HS2ST1: variants seen among roughly 807,000 people sequenced by gnomAD.
The protein encoded by HS2ST1 is heparan sulfate 2-O-sulfotransferase 1.
In HS2ST1, 18 loss-of-function variants were observed where a neutral mutation model predicts 42.9. The ratio of observed to expected loss-of-function variants is 0.42; its 90% CI spans 0.29 to 0.62. The LOEUF (loss-of-function observed/expected upper bound fraction) is 0.62. Among genes scored for constraint, HS2ST1 ranks in the 20% least tolerant of loss-of-function variants. The probability of loss-of-function intolerance (pLI) is 0.21; values close to 1 mark genes in which losing one functional copy is unlikely to be tolerated. For missense variants in HS2ST1, 334 were observed against 433.8 expected (o/e 0.77, Z 2.04); for synonymous variants, 146 against 152.9 (o/e 0.95, Z 0.33).
At position 87,093,312 on chromosome 1, in the gene HS2ST1, C is replaced by T. The variant is rs146653642; in HGVS notation, c.588+643C>T. ...ATTTTCCTTTAGGTGTCCAGTGCTT[C>T]GGCCACATGAAATGTCACCATCCTC... On this transcript the variant is annotated intron_variant, in intron 4 of 6. Coordinates refer to ENST00000370550, the MANE Select transcript of HS2ST1 (RefSeq NM_012262.4). Among the ~76,000 whole-genome samples, 415 of 152,150 alleles carry T rather than the reference C, an allele frequency of 2.7e-3. 1 individual carries two copies. The highest frequency in any genetic ancestry group is 0.023 in the South Asian group (109 of 4,824).
intron 1 of HS2ST1, among the ~76,000 whole-genome samples, chr1:86,989,785 T>C (rs1648890118): frequency 6.6e-6 from 1 of 152,202 alleles, no homozygotes; most frequent in Non-Finnish European, 1.5e-5. Flanking sequence ...GTGTTCTCAT[T>C]GTTCAGCTTC....
At chr1:87,012,143 C>T (rs1462394969) in intron 1 of HS2ST1, among the ~76,000 whole-genome samples, 1 of 152,154 alleles carries the variant, frequency 6.6e-6, no homozygotes, top group Non-Finnish European at 1.5e-5. Context: ...GGTTACTTCC[C>T]CATCAGCATT....
chr1:86,963,941 G>T (rs1159806825), intron 1 of HS2ST1, among the ~76,000 whole-genome samples: 1 of 150,772 alleles, frequency 6.6e-6, no homozygotes, highest in Non-Finnish European at 1.5e-5. Context: ...GGGCGGAGAC[G>T]CTCCTCACTT....
chr1:87,107,788 T>C lies in HS2ST1; in HGVS notation c.*3092T>C, dbSNP rs1219561856. 6.6e-6 allele frequency: 1 copy of C among 152,010 alleles called. No homozygotes were observed. Among genetic ancestry groups the C allele is most frequent in the Non-Finnish European group, 1.5e-5 (1 of 67,906 alleles). The allele number at this position is 152,010 out of a possible 1,614,324, so 9.4% of individuals were successfully genotyped here. ...TTAAAATCTAATGGGAAGTAAAATATATTTTGATTTTACCCAGCTTAATCT... is the reference window on the plus strand; with the variant it reads ...TTAAAATCTAATGGGAAGTAAAATACATTTTGATTTTACCCAGCTTAATCT... On this transcript the variant is annotated 3_prime_UTR_variant, in exon 7 of 7. Transcript: ENST00000370550.
At chr1:87,059,589 A>G (rs1461153365) in intron 1 of HS2ST1, among the ~76,000 whole-genome samples, 1 of 152,228 alleles carries the variant, frequency 6.6e-6, no homozygotes, top group Non-Finnish European at 1.5e-5. Context: ...ACTTATTTCA[A>G]GTGACTGAAA....
intron 4 of HS2ST1, among the ~76,000 whole-genome samples, chr1:87,096,601 A>G (rs1040193189): frequency 2.0e-5 from 3 of 152,208 alleles, no homozygotes; most frequent in Non-Finnish European, 2.9e-5. Flanking sequence ...TTTGGGCCAG[A>G]TAATTCTTTG....
At chr1:87,045,333 A>T (rs1473467274) in intron 1 of HS2ST1, 1 of 1,261,072 alleles carries the variant, frequency 7.9e-7, no homozygotes, top group East Asian at 2.3e-5. Flanking sequence ...CCAAATTCTG[A>T]CAACTTCTTG....
chr1:87,055,805 C>T (rs1043633423), intron 1 of HS2ST1, among the ~76,000 whole-genome samples: 5 of 152,122 alleles, frequency 3.3e-5, no homozygotes, highest in African/African-American at 9.7e-5. Flanking sequence ...TTTTTGCTGC[C>T]TTTCTCTAAC....
chr1:86,963,111 A>G (rs1299988675), intron 1 of HS2ST1, among the ~76,000 whole-genome samples: 1 of 151,280 alleles, frequency 6.6e-6, no homozygotes, highest in Non-Finnish European at 1.5e-5. Context: ...TTTTTTTCAT[A>G]TTTTTCTGTC....
chr1:87,070,261 G>T (rs1185009920), intron 1 of HS2ST1, among the ~76,000 whole-genome samples: 2 of 152,120 alleles, frequency 1.3e-5, no homozygotes, highest in East Asian at 3.8e-4. Flanking sequence ...GTTTTGAACT[G>T]TTTAGAAGAT....
rs756878947 is a variant in HS2ST1, at chr1:86,930,945, GTGAGTACTTT to G, written c.124+15787_124+15796del. Among the ~76,000 whole-genome samples the G allele has an allele frequency of 5.9e-5, 9 of 152,116 alleles. No homozygotes were observed. The South Asian group carries it at 8.3e-4, about 14-fold the overall frequency. Reference sequence around the variant, plus strand: ...ATTTTGGGCATTTATAGTATGTTGTGTGAGTACTTTTTGAAAATGACTAGTTAGTGGGGGA... The same window carrying G: ...ATTTTGGGCATTTATAGTATGTTGTGTTGAAAATGACTAGTTAGTGGGGGA... On this transcript the variant is annotated intron_variant, in intron 1 of 6. Transcript: ENST00000370550.
intron 1 of HS2ST1, among the ~76,000 whole-genome samples, chr1:86,975,561 G>T (rs1400860002): frequency 6.6e-6 from 1 of 152,136 alleles, no homozygotes; most frequent in Non-Finnish European, 1.5e-5. Context: ...GAATGGCAGA[G>T]CTTTTGACTC....
chr1:87,035,933 A>G (rs541623299), intron 1 of HS2ST1, among the ~76,000 whole-genome samples: 2 of 152,030 alleles, frequency 1.3e-5, no homozygotes, highest in East Asian at 1.9e-4. Flanking sequence ...TCAACCCATC[A>G]TCTACAATAG....
intron 1 of HS2ST1, among the ~76,000 whole-genome samples, chr1:86,991,655 C>G (rs991922075): frequency 2.6e-5 from 4 of 152,176 alleles, no homozygotes; most frequent in African/African-American, 9.7e-5. Context: ...ACATACTAAG[C>G]TTATATCTCA....
chr1:86,981,708 G>A (rs1038825461), intron 1 of HS2ST1, among the ~76,000 whole-genome samples: 3 of 152,250 alleles, frequency 2.0e-5, no homozygotes, highest in African/African-American at 7.2e-5. Flanking sequence ...CTCTGCCCTT[G>A]TGGCTCTGCA....
intron 1 of HS2ST1, among the ~76,000 whole-genome samples, chr1:87,056,629 G>A (rs7529516): frequency 0.78 from 118,315 of 152,082 alleles, 46,834 homozygotes; most frequent in East Asian, 0.97. Context: ...TGTATCTGCC[G>A]CTATGAACAT....
chr1:87,023,633 T>C (rs1650006988), intron 1 of HS2ST1, among the ~76,000 whole-genome samples: 1 of 152,162 alleles, frequency 6.6e-6, no homozygotes, highest in African/African-American at 2.4e-5. Flanking sequence ...TGTATTTTAT[T>C]TATCACTCTG....
intron 1 of HS2ST1, among the ~76,000 whole-genome samples, chr1:86,925,839 A>G (rs559123342): frequency 6.6e-6 from 1 of 152,054 alleles, no homozygotes; most frequent in Non-Finnish European, 1.5e-5. Context: ...TAATTCTATC[A>G]TCTGGGTCAT....
intron 1 of HS2ST1, among the ~76,000 whole-genome samples, chr1:86,986,715 A>C (rs960657417): frequency 1.3e-4 from 20 of 152,322 alleles, no homozygotes; most frequent in African/African-American, 4.8e-4. Flanking sequence ...GAATTAGGGC[A>C]ACATTTAAAA....
Sources: gnomAD v4.1 joint callset for allele counts (sites outside exome capture counted in the v4.1 genomes callset) on GRCh38, gnomAD v4.1.1 for gene constraint, MANE v1.5 for transcripts, NCBI Gene and HGNC (gene_info 2026-07-23, HGNC 2026-07-21) for gene names.